The following C1QTNF9B variants were observed in gnomAD, a reference collection of about 807,000 sequenced individuals.
C1QTNF9B encodes the protein C1q and TNF related 9B.
A neutral mutation model predicts 10.1 loss-of-function variants in C1QTNF9B; 9 were observed. The ratio of observed to expected loss-of-function variants is 0.89; its 90% CI spans 0.53 to 1.55. The LOEUF is 1.55. C1QTNF9B is among the 40% of genes most tolerant of loss of function. The probability of loss-of-function intolerance (pLI) is 0.00; values close to 1 mark genes in which losing one functional copy is unlikely to be tolerated. For missense variants in C1QTNF9B, 196 were observed against 414.4 expected (o/e 0.47, Z 4.58); for synonymous variants, 79 against 159.9 (o/e 0.49, Z 3.82).
chr13:23,896,754 A>G (rs1327816918), intron 1 of C1QTNF9B, 67 bp downstream of exon 3: 31 of 1,595,400 alleles, frequency 1.9e-5, no homozygotes, highest in Admixed American at 3.4e-5. Flanking sequence ...CACACAGATG[A>G]TGAGTGAATG....
chr13:23,897,076 T>C (rs111654463), upstream of C1QTNF9B: 3,174 of 1,555,928 alleles, frequency 2.0e-3, 48 homozygotes, highest in African/African-American at 0.038. Flanking sequence ...GCCTCCGTTC[T>C]GTGCAGTGGG....
At chr13:23,894,016 G>A (rs1593221606) in intron 2 of C1QTNF9B, 123 bp downstream of exon 4, 1 of 1,227,762 alleles carries the variant, frequency 8.1e-7, no homozygotes, top group East Asian at 2.4e-5. Context: ...CCCCCCATCT[G>A]GAGAGTAAGA....
intron 1 of C1QTNF9B, among the ~76,000 whole-genome samples, chr13:23,895,464 A>G (rs1487304937): frequency 6.6e-6 from 1 of 152,022 alleles, no homozygotes; most frequent in Non-Finnish European, 1.5e-5. Flanking sequence ...ATGTCCTTCT[A>G]AGAAAGAATA....
chr13:23,892,216 C>A, intron 2 of C1QTNF9B, 155 bp from the exon 5 acceptor site: 1 of 1,369,280 alleles, frequency 7.3e-7, no homozygotes, highest in Non-Finnish European at 9.8e-7. Flanking sequence ...CATCTGGGTG[C>A]GGTGGCTCAC....
Position 23,894,578 on chromosome 13 carries a change from G to T in C1QTNF9B, c.167-377C>A, listed in dbSNP as rs769473110. 16 of 504,230 alleles carry T rather than the reference G, an allele frequency of 3.2e-5. No individual in the cohort carries two copies. The Middle Eastern group carries it at 8.9e-4, about 28-fold the overall frequency. 31.2% of individuals were successfully genotyped at this position (504,230 alleles called of 1,614,324 possible). A position where few individuals can be genotyped will look rare whatever the true frequency, so the allele number is the denominator to read the frequency against. ...GTCTGAATGTTGGAGGTGCGAGGAG[G>T]TTTCCTCACTCTGTTTCTCTTCCAT... On this transcript the variant is annotated intron_variant, in intron 1 of 2. Transcript: ENST00000382137.
chr13:23,892,788 C>T (rs1872061779), intron 2 of C1QTNF9B, among the ~76,000 whole-genome samples: 1 of 152,212 alleles, frequency 6.6e-6, no homozygotes. Flanking sequence ...AATTACAACC[C>T]TACCATCTAA....
At chr13:23,895,409 T>TA (rs1872160837) in intron 1 of C1QTNF9B, among the ~76,000 whole-genome samples, 1 of 152,100 alleles carries the variant, frequency 6.6e-6, no homozygotes, top group Admixed American at 6.6e-5. Flanking sequence ...TTTAAGATGG[T>TA]AAGATAAAAA....
chr13:23,896,697 T>A, intron 1 of C1QTNF9B, 124 bp downstream of exon 3: 1 of 1,437,164 alleles, frequency 7.0e-7, no homozygotes, highest in Non-Finnish European at 9.5e-7. Flanking sequence ...CCAGTGAATG[T>A]TGCTGGGTGG....
At chr13:23,891,122 G>A in exon 3 of C1QTNF9B, 1 of 631,118 alleles carries the variant, frequency 1.6e-6, no homozygotes, top group Non-Finnish European at 2.4e-6. Context: ...TTTACTCCTG[G>A]AAAAATAGTA....
intron 2 of C1QTNF9B, among the ~76,000 whole-genome samples, chr13:23,893,727 C>T: frequency 6.6e-6 from 1 of 152,264 alleles, no homozygotes; most frequent in South Asian, 2.1e-4. Flanking sequence ...ACCTGGGCCT[C>T]CCAAAGTGTT....
At chr13:23,893,164 C>G (rs1337169737) in intron 2 of C1QTNF9B, among the ~76,000 whole-genome samples, 3 of 152,198 alleles carry the variant, frequency 2.0e-5, no homozygotes, top group Non-Finnish European at 4.4e-5. Flanking sequence ...CCTCTGTTCC[C>G]TCACCTACGG....
upstream of C1QTNF9B, chr13:23,897,160 A>G (rs961614233): frequency 2.6e-6 from 2 of 782,182 alleles, no homozygotes; most frequent in African/African-American, 3.5e-5. Context: ...CAGGGGAGCA[A>G]GCTGGTTATT....
At chr13:23,894,069 C>T in intron 2 of C1QTNF9B, 70 bp downstream of exon 4, 1 of 1,351,234 alleles carries the variant, frequency 7.4e-7, no homozygotes, top group Admixed American at 1.8e-5. Context: ...GCATGGAGGA[C>T]TTGTCCATGG....
At chr13:23,892,732 C>T (rs1450471298) in intron 2 of C1QTNF9B, among the ~76,000 whole-genome samples, 2 of 152,192 alleles carry the variant, frequency 1.3e-5, no homozygotes, top group Non-Finnish European at 2.9e-5. Context: ...TCCCAACACA[C>T]CTTTTGACTA....
intron 2 of C1QTNF9B, among the ~76,000 whole-genome samples, chr13:23,892,903 C>T (rs1199316037): frequency 6.6e-6 from 1 of 152,202 alleles, no homozygotes; most frequent in Non-Finnish European, 1.5e-5. Context: ...GTGACATCCT[C>T]TAAAAACCTC....
Position 23,894,005 on chromosome 13 carries a change from T to C in C1QTNF9B, c.229+134A>G, listed in dbSNP as rs1872108133. 4 of 1,118,490 alleles carry C rather than the reference T, an allele frequency of 3.6e-6. No individual in the cohort carries two copies. In the East Asian group the frequency reaches 1.0e-4, roughly 28 times the overall value. The allele number at this position is 1,118,490 out of a possible 1,614,324, so 69.3% of individuals were successfully genotyped here. Reference sequence around the variant, plus strand: ...GCAAAGCCTGCCAATCCCTGCAGAATCCCCCCATCTGGAGAGTAAGAACTG... The same window carrying C: ...GCAAAGCCTGCCAATCCCTGCAGAACCCCCCCATCTGGAGAGTAAGAACTG... On this transcript the variant is annotated intron_variant, in intron 2 of 2. Transcript: ENST00000382137.
chr13:23,893,750 G>GTT (rs1872100574), intron 2 of C1QTNF9B, among the ~76,000 whole-genome samples: 1 of 152,224 alleles, frequency 6.6e-6, no homozygotes, highest in Non-Finnish European at 1.5e-5. Flanking sequence ...GATTACAGGT[G>GTT]TGAGGCATGG....
chr13:23,892,691 A>C (rs1171852255), intron 2 of C1QTNF9B, among the ~76,000 whole-genome samples: 1 of 152,066 alleles, frequency 6.6e-6, no homozygotes, highest in African/African-American at 2.4e-5. Context: ...CCAATTACAC[A>C]CGTGTGTGCA....
chr13:23,897,078 T>C (rs1032972408), upstream of C1QTNF9B: 32 of 1,561,608 alleles, frequency 2.0e-5, no homozygotes, highest in Non-Finnish European at 2.6e-5. Flanking sequence ...CTCCGTTCTG[T>C]GCAGTGGGAA....
Sources: allele counts gnomAD v4.1 joint callset (sites outside exome capture counted in the v4.1 genomes callset), GRCh38; gene constraint gnomAD v4.1.1; transcripts MANE v1.5; gene names NCBI Gene and HGNC (gene_info 2026-07-23, HGNC 2026-07-21).